NDEL1: variants seen among roughly 807,000 people sequenced by gnomAD.
NDEL1 encodes the protein nudE neurodevelopment protein 1 like 1.
NDEL1 carries 9 observed loss-of-function variants against 45.7 expected under a neutral mutation model. That is an observed-to-expected ratio of 0.20 (90% CI 0.12 to 0.34). The LOEUF (loss-of-function observed/expected upper bound fraction) is 0.34, where lower values mean the gene tolerates loss of function less well. NDEL1 is among the 10% of genes least tolerant of loss of function. The pLI is 1.00. For missense variants in NDEL1, 306 were observed against 406.2 expected, an observed-to-expected ratio of 0.75 and a Z score of 2.12; for synonymous variants, 133 against 158.6, an observed-to-expected ratio of 0.84 and a Z score of 1.21.
chr17:8,422,305 C>T (rs901014039), intron 1 of NDEL1, among the ~76,000 whole-genome samples: 4 of 152,076 alleles, frequency 2.6e-5, no homozygotes, highest in African/African-American at 9.7e-5. Context: ...CTCCCCTCCA[C>T]CCCCACCTTT....
intron 4 of NDEL1, 126 bp from the exon 5 acceptor site, chr17:8,448,424 C>A: frequency 1.0e-6 from 1 of 988,138 alleles, no homozygotes; most frequent in Non-Finnish European, 1.5e-6. Flanking sequence ...GCAAGATCAT[C>A]TTCTTTGATT....
At chr17:8,470,599 C>T (rs767150424), downstream of NDEL1, among the ~76,000 whole-genome samples, 1 of 152,150 alleles carries the variant, frequency 6.6e-6, no homozygotes, top group Non-Finnish European at 1.5e-5. This position sits in a 1 kb window ranked among gnomAD's most constrained non-coding sequence, Gnocchi z 4.2. Flanking sequence ...AGTGCTCTGA[C>T]CTCAGGTGGC....
upstream of NDEL1, among the ~76,000 whole-genome samples, chr17:8,435,423 A>C (rs952991969): frequency 1.3e-5 from 2 of 152,226 alleles, no homozygotes; most frequent in Admixed American, 6.5e-5. Context: ...TACAAAATGT[A>C]AACAGTGGAA....
intron 1 of NDEL1, among the ~76,000 whole-genome samples, chr17:8,424,929 G>A (rs983529802): frequency 1.3e-5 from 2 of 152,050 alleles, no homozygotes; most frequent in South Asian, 2.1e-4. Context: ...TTGCTGCCAC[G>A]GTGCTGGGAT....
At chr17:8,420,187 T>C (rs1243472439) in intron 1 of NDEL1, among the ~76,000 whole-genome samples, 1 of 152,182 alleles carries the variant, frequency 6.6e-6, no homozygotes, top group African/African-American at 2.4e-5. Context: ...GCTTAACCTC[T>C]CTAGGACTGG....
upstream of NDEL1, among the ~76,000 whole-genome samples, chr17:8,433,082 T>A (rs1179323784): frequency 6.6e-6 from 1 of 151,470 alleles, no homozygotes; most frequent in East Asian, 1.9e-4. Flanking sequence ...GAAGTTTCAT[T>A]CTTGGTTACA....
intron 1 of NDEL1, among the ~76,000 whole-genome samples, chr17:8,425,188 T>C (rs1369683616): frequency 6.6e-6 from 1 of 152,268 alleles, no homozygotes; most frequent in Non-Finnish European, 1.5e-5. Context: ...AGGCAGGATA[T>C]GATTCACATG....
At chr17:8,454,103 T>G (rs1249692205) in intron 6 of NDEL1, among the ~76,000 whole-genome samples, 1 of 152,094 alleles carries the variant, frequency 6.6e-6, no homozygotes, top group Non-Finnish European at 1.5e-5. Context: ...AGAAAAATAC[T>G]AGGAGAAAGT....
At chr17:8,459,263 A>G (rs8077982) in intron 7 of NDEL1, among the ~76,000 whole-genome samples, 62,811 of 151,840 alleles carry the variant, frequency 0.41, 12,954 homozygotes, top group South Asian at 0.45. Flanking sequence ...TGGGAAAGAG[A>G]CAGCTGGTGA....
intron 1 of NDEL1, among the ~76,000 whole-genome samples, chr17:8,430,519 C>T (rs568801583): frequency 7.9e-5 from 12 of 152,228 alleles, no homozygotes; most frequent in African/African-American, 2.9e-4. Context: ...TTAGGGTAGC[C>T]GGTCAACCTC....
chr17:8,431,609 T>A (rs1431530289), upstream of NDEL1, among the ~76,000 whole-genome samples: 1 of 152,214 alleles, frequency 6.6e-6, no homozygotes, highest in Non-Finnish European at 1.5e-5. Flanking sequence ...ACAGGGTGGG[T>A]TTGAGGCTTG....
chr17:8,468,856 T>G (rs1476268186), downstream of NDEL1, among the ~76,000 whole-genome samples: 1 of 152,072 alleles, frequency 6.6e-6, no homozygotes, highest in Non-Finnish European at 1.5e-5. Context: ...ATACAAAAAT[T>G]GGCCAGGCAT....
At chr17:8,469,991 G>T (rs1911797453), downstream of NDEL1, among the ~76,000 whole-genome samples, 1 of 151,604 alleles carries the variant, frequency 6.6e-6, no homozygotes. Context: ...TACAGGTGTG[G>T]GCCACCGTGG....
intron 1 of NDEL1, among the ~76,000 whole-genome samples, chr17:8,417,782 G>A (rs944745342): frequency 6.6e-6 from 1 of 152,172 alleles, no homozygotes; most frequent in Non-Finnish European, 1.5e-5. Context: ...TTCCCTTTAT[G>A]TAGTGACTTA....
In NDEL1 at chr17:8,458,212, C is replaced by G. The variant is rs183111373; in HGVS notation, c.793-1797C>G. Among the ~76,000 whole-genome samples the G allele has an allele frequency of 7.2e-4, 109 of 151,984 alleles. 1 individual carries two copies. The highest frequency in any genetic ancestry group is 1.5e-4 in the Non-Finnish European group (10 of 68,000). On this transcript the variant is annotated intron_variant, in intron 7 of 8. Coordinates refer to ENST00000334527, the MANE Select transcript of NDEL1 (RefSeq NM_030808.5). ...CCCTCTTTTCTCTCCTTCTCTGATG[C>G]TGTTTCATGGCTGCTCCCAACTTTC... is the stretch of plus-strand genomic sequence containing the variant.
intron 1 of NDEL1, among the ~76,000 whole-genome samples, chr17:8,415,099 T>C (rs1454134244): frequency 7.7e-6 from 1 of 129,642 alleles, no homozygotes; most frequent in Non-Finnish European, 1.8e-5. Flanking sequence ...CACCTTCCTT[T>C]CTTCCTCCCT....
intron 1 of NDEL1, among the ~76,000 whole-genome samples, chr17:8,442,239 T>A (rs1168840934): frequency 1.2e-4 from 18 of 152,192 alleles, no homozygotes; most frequent in Admixed American, 1.2e-3. Flanking sequence ...GTCTAACTGA[T>A]AATGATAGGT....
rs148338180 is a variant in NDEL1 at position 8,419,848 on chromosome 17, T to G, written c.-13+6579T>G. Reference sequence around the variant, plus strand: ...CATTCTGGGACCCTCATTAGATACCTCCACAGCTTTGCATCACAGTGAAAC... The same window carrying G: ...CATTCTGGGACCCTCATTAGATACCGCCACAGCTTTGCATCACAGTGAAAC... On this transcript the variant is annotated intron_variant, in intron 1 of 4. Coordinates refer to the NDEL1 transcript ENST00000582812. Among the ~76,000 whole-genome samples, 799 of 152,190 alleles carry G rather than the reference T, an allele frequency of 5.3e-3. 3 individuals are homozygous for G. Among genetic ancestry groups the G allele is most frequent in the African/African-American group, 0.018 (731 of 41,520 alleles).
intron 1 of NDEL1, among the ~76,000 whole-genome samples, chr17:8,421,452 GA>G (rs1381098222): frequency 6.6e-6 from 1 of 152,182 alleles, no homozygotes; most frequent in Non-Finnish European, 1.5e-5. Flanking sequence ...TATGATGATG[GA>G]AGCAGCTATT....
Sources: allele counts gnomAD v4.1 joint callset (sites outside exome capture counted in the v4.1 genomes callset), GRCh38; gene constraint gnomAD v4.1.1; non-coding constraint Gnocchi (gnomAD v3.1); transcripts MANE v1.5; gene names NCBI Gene and HGNC (gene_info 2026-07-23, HGNC 2026-07-21).